The following PROSER3 variants were observed in gnomAD, a reference collection of about 807,000 sequenced individuals.
PROSER3 encodes proline and serine rich 3.
A neutral mutation model predicts 50.2 loss-of-function variants in PROSER3; 33 were observed. The observed-to-expected ratio is 0.66, with a 90% confidence interval of 0.50 to 0.88. The LOEUF is 0.88. Ranked by LOEUF, PROSER3 falls within the 40% of genes least tolerant of loss-of-function variation. The pLI is 0.00. For synonymous variants in PROSER3, 266 were observed against 259.3 expected (o/e 1.03, Z -0.25); for missense variants, 623 against 612.7 (o/e 1.02, Z -0.18).
chr19:35,759,683 T>G (rs1468327463), intron 2 of PROSER3, 106 bp from the exon 3 acceptor site: 3 of 1,148,556 alleles, frequency 2.6e-6, no homozygotes, highest in Non-Finnish European at 3.7e-6. Flanking sequence ...TTACAGGATG[T>G]GTTTCCTCCC....
At chr19:35,769,022 C>A (rs1971266775) in exon 11 of PROSER3, 1 of 153,390 alleles carries the variant, frequency 6.5e-6, no homozygotes, top group South Asian at 2.0e-4. Flanking sequence ...CTGGTCAGGC[C>A]TAGTCACTAG....
rs1454651432 is a variant in PROSER3 at position 35,760,000 on chromosome 19, C to T, written c.311+9C>T. 3.2e-6 allele frequency: 5 copies of T among 1,566,092 alleles called. No homozygotes were observed. In the African/African-American group the frequency reaches 6.8e-5, roughly 21 times the overall value. On this transcript the variant is annotated intron_variant, in intron 3 of 10. Coordinates refer to ENST00000396908, the Ensembl canonical transcript of PROSER3. Reference sequence around the variant, plus strand: ...GACTCCGTGGTGGCCAAGTAAGTACCAGCAGCCCTGGGGGAAAAAGAGGCT... The same window carrying T: ...GACTCCGTGGTGGCCAAGTAAGTACTAGCAGCCCTGGGGGAAAAAGAGGCT...
chr19:35,768,068 G>T lies in PROSER3; in HGVS notation c.1219+3G>T, dbSNP rs1971229484. 1.3e-6 allele frequency: 2 copies of T among 1,584,162 alleles called. No individual in the cohort carries two copies. The highest frequency in any genetic ancestry group is 1.7e-6 in the Non-Finnish European group (2 of 1,165,340). On this transcript the variant is annotated splice_donor_region_variant and intron_variant, in intron 9 of 10. Coordinates refer to ENST00000396908, the Ensembl canonical transcript of PROSER3. Reference sequence around the variant, plus strand: ...CCTGCTGCTGCAGGCTGCAGAAGGTGATGCCCGCGCCCTCCTGGATGTTGG... The same window carrying T: ...CCTGCTGCTGCAGGCTGCAGAAGGTTATGCCCGCGCCCTCCTGGATGTTGG...
chr19:35,760,599 C>T (rs1970926026), intron 3 of PROSER3, among the ~76,000 whole-genome samples: 1 of 152,152 alleles, frequency 6.6e-6, no homozygotes, highest in Non-Finnish European at 1.5e-5. Context: ...GATTCTCCTG[C>T]CTCAGCCTCC....
At chr19:35,767,303 C>A (rs1971182277) in intron 8 of PROSER3, 3 of 297,714 alleles carry the variant, frequency 1.0e-5, no homozygotes, top group African/African-American at 4.4e-5. Context: ...TCCCACGCAG[C>A]AGGCCTCCAC....
At chr19:35,765,601 G>A (rs1465755625) in intron 7 of PROSER3, among the ~76,000 whole-genome samples, 1 of 150,394 alleles carries the variant, frequency 6.6e-6, no homozygotes. Flanking sequence ...AATAAATGGT[G>A]CCATCATAGT....
At chr19:35,761,457 A>G (rs989552505) in intron 3 of PROSER3, among the ~76,000 whole-genome samples, 3 of 152,092 alleles carry the variant, frequency 2.0e-5, no homozygotes, top group East Asian at 3.9e-4. Flanking sequence ...GGATCACCTG[A>G]GATCAGGAGT....
chr19:35,762,585 G>T (rs1278502101), intron 5 of PROSER3: 2 of 514,596 alleles, frequency 3.9e-6, no homozygotes, highest in East Asian at 6.6e-5. Flanking sequence ...AGAGAACCAG[G>T]TGTGGTGGTA....
At chr19:35,766,928 G>A (rs749494615) in exon 8 of PROSER3, 46 of 1,554,462 alleles carry the variant, frequency 3.0e-5, no homozygotes, top group South Asian at 3.6e-5. Context: ...CTTGGGTGCC[G>A]CCTCTGACCC....
downstream of PROSER3, chr19:35,769,480 G>C (rs1234624433): frequency 6.6e-6 from 1 of 151,506 alleles, no homozygotes; most frequent in Non-Finnish European, 1.5e-5. Context: ...AATTTTTTTT[G>C]TATTTTTAGT....
exon 5 of PROSER3, chr19:35,762,317 T>C: frequency 1.2e-6 from 2 of 1,610,266 alleles, no homozygotes; most frequent in Non-Finnish European, 1.7e-6. Context: ...ACGTGACCAG[T>C]GCATCCCATG....
At chr19:35,764,973 C>T (rs377034227) in intron 6 of PROSER3, 37 bp downstream of exon 6, 78 of 1,612,642 alleles carry the variant, frequency 4.8e-5, no homozygotes, top group Admixed American at 3.5e-4. Flanking sequence ...CTTCCTACTG[C>T]GGCTCCACGT....
intron 3 of PROSER3, among the ~76,000 whole-genome samples, chr19:35,760,238 G>C (rs1446986664): frequency 1.3e-5 from 2 of 152,008 alleles, no homozygotes; most frequent in African/African-American, 4.8e-5. Context: ...TTTGTTTAGA[G>C]ACAGGGTCTC....
exon 8 of PROSER3, chr19:35,766,809 C>T (rs1261366796): frequency 1.9e-6 from 3 of 1,551,238 alleles, no homozygotes; most frequent in Non-Finnish European, 2.6e-6. Flanking sequence ...CACCCCTGCT[C>T]CAGCCCCAGC....
intron 1 of PROSER3, 54 bp downstream of exon 1, chr19:35,758,280 G>A: frequency 1.9e-6 from 3 of 1,549,148 alleles, no homozygotes; most frequent in Non-Finnish European, 2.6e-6. Context: ...GACCAACGGC[G>A]AGAGCAGCAC....
At chr19:35,764,958 T>A (rs1971088325) in intron 6 of PROSER3, 22 bp downstream of exon 6, 3 of 1,613,176 alleles carry the variant, frequency 1.9e-6, no homozygotes, top group South Asian at 2.2e-5. Flanking sequence ...CCTGCCCCCA[T>A]CACCCTTCCT....
intron 7 of PROSER3, 68 bp downstream of exon 7, chr19:35,765,244 A>C: frequency 1.3e-6 from 2 of 1,537,558 alleles, no homozygotes; most frequent in Non-Finnish European, 1.8e-6. Flanking sequence ...CTGACCAGCT[A>C]TGGGACTTTG....
intron 2 of PROSER3, 94 bp from the exon 3 acceptor site, chr19:35,759,695 T>C: frequency 7.9e-7 from 1 of 1,259,542 alleles, no homozygotes; most frequent in Non-Finnish European, 1.1e-6. Flanking sequence ...TTTCCTCCCC[T>C]CTGGACTGAG....
At position 35,759,897 on chromosome 19, in the gene PROSER3, T is replaced by G. The variant is rs374418908; in HGVS notation, c.217T>G (p.Ser73Ala). The change falls in exon 3 of 11, where the codon TCA (serine) becomes GCA (alanine). Residue 73 changes from serine to alanine, a missense_variant. By Grantham distance (99) the Ser-to-Ala change is moderately conservative (BLOSUM62 1). Transcript: ENST00000396908. ...GTTTGAGGAGTCCTGGCCATCCAGT[T>G]CAGGGACCCCCTCCCTGCCCAGCAC... is the stretch of plus-strand genomic sequence containing the variant. 94 of 1,599,440 alleles carry G rather than the reference T, an allele frequency of 5.9e-5. No homozygotes were observed. The African/African-American group carries it at 1.1e-3, about 19-fold the overall frequency.
Sources: gnomAD v4.1 joint callset for allele counts (sites outside exome capture counted in the v4.1 genomes callset) on GRCh38, gnomAD v4.1.1 for gene constraint, MANE v1.5 for transcripts, NCBI Gene and HGNC (gene_info 2026-07-23, HGNC 2026-07-21) for gene names.